Variants in MAP4K4 observed in about 807,000 individuals in gnomAD.
MAP4K4 encodes the protein mitogen-activated protein kinase kinase kinase kinase 4, also known as HPK/GCK-like kinase HGK.
In MAP4K4, 38 loss-of-function variants were observed where a neutral mutation model predicts 189.6. The ratio of observed to expected loss-of-function variants is 0.20; its 90% CI spans 0.15 to 0.26. The LOEUF (loss-of-function observed/expected upper bound fraction) is 0.26, where lower values mean the gene tolerates loss of function less well. MAP4K4 is among the 10% of genes least tolerant of loss of function. The pLI is 1.00. For missense variants in MAP4K4, 1,054 were observed against 1,726.9 expected (o/e 0.61, Z 6.91); for synonymous variants, 610 against 624.3 (o/e 0.98, Z 0.34).
At chr2:101,839,693 A>G (rs748916526) in intron 9 of MAP4K4, 126 bp from the exon 10 acceptor site, 12 of 687,936 alleles carry the variant, frequency 1.7e-5, no homozygotes, top group Non-Finnish European at 2.7e-5. Flanking sequence ...CATTATTCCT[A>G]TGCATTTGCA....
At chr2:101,801,436 G>A (rs1394241405) in intron 3 of MAP4K4, among the ~76,000 whole-genome samples, 2 of 152,146 alleles carry the variant, frequency 1.3e-5, no homozygotes, top group African/African-American at 4.8e-5. Context: ...CAGCAGAGCC[G>A]TAATGGCACG....
At chr2:101,750,547 T>C (rs894521339) in intron 2 of MAP4K4, among the ~76,000 whole-genome samples, 2 of 147,708 alleles carry the variant, frequency 1.4e-5, no homozygotes, top group African/African-American at 5.0e-5. Context: ...CATTGGGAGA[T>C]ATACCTAATG....
At chr2:101,739,944 T>C (rs985487426) in intron 2 of MAP4K4, among the ~76,000 whole-genome samples, 2 of 152,134 alleles carry the variant, frequency 1.3e-5, no homozygotes, top group Non-Finnish European at 2.9e-5. Flanking sequence ...TTCTGGCCCT[T>C]CCTATGCTTT....
chr2:101,814,506 A>G (rs1164535376), intron 3 of MAP4K4, among the ~76,000 whole-genome samples: 1 of 152,238 alleles, frequency 6.6e-6, no homozygotes, highest in Non-Finnish European at 1.5e-5. Flanking sequence ...CATAATAAAG[A>G]CAGGATCCCT....
At chr2:101,867,957 G>T in intron 20 of MAP4K4, 72 bp from the exon 21 acceptor site, 1 of 1,498,944 alleles carries the variant, frequency 6.7e-7, no homozygotes, top group Non-Finnish European at 9.2e-7. Flanking sequence ...TCTTTCTCCC[G>T]CGCTTCCTTG....
intron 2 of MAP4K4, among the ~76,000 whole-genome samples, chr2:101,716,510 C>CAA (rs112162844): frequency 2.8e-4 from 38 of 137,094 alleles, no homozygotes; most frequent in South Asian, 7.1e-4. Flanking sequence ...TAAAGGATGG[C>CAA]AAAAAAAAAA....
chr2:101,753,497 T>C (rs1444342071), intron 2 of MAP4K4, among the ~76,000 whole-genome samples: 2 of 152,204 alleles, frequency 1.3e-5, no homozygotes, highest in Non-Finnish European at 2.9e-5. Context: ...ATATCCATCT[T>C]TTTTTGTTGA....
chr2:101,799,442 C>CT (rs1393818290), intron 3 of MAP4K4, among the ~76,000 whole-genome samples: 1 of 152,186 alleles, frequency 6.6e-6, no homozygotes, highest in Non-Finnish European at 1.5e-5. Context: ...CTCCCTCCAC[C>CT]TGTGGCAATC....
chr2:101,781,828 C>CT (rs761461849), intron 2 of MAP4K4, among the ~76,000 whole-genome samples: 19 of 152,194 alleles, frequency 1.2e-4, no homozygotes, highest in Admixed American at 6.5e-4. Flanking sequence ...CTCCACTTCT[C>CT]TAACATAGAG....
intron 3 of MAP4K4, among the ~76,000 whole-genome samples, chr2:101,803,271 GTGTGTGTGTGTT>G (rs2094560890): frequency 7.0e-6 from 1 of 143,866 alleles, no homozygotes; most frequent in Non-Finnish European, 1.5e-5. Context: ...GTGTATGTAT[GTGTGTGTGTGTT>G]TGTGTGTGTG....
intron 4 of MAP4K4, among the ~76,000 whole-genome samples, chr2:101,824,399 T>C (rs1188644168): frequency 6.6e-6 from 1 of 152,114 alleles, no homozygotes; most frequent in Non-Finnish European, 1.5e-5. Flanking sequence ...ATTTGAAAGC[T>C]CAGTAAATTG....
chr2:101,855,884 G>C (rs1046726214), intron 12 of MAP4K4, 93 bp from the exon 13 acceptor site: 2 of 1,261,422 alleles, frequency 1.6e-6, no homozygotes, highest in African/African-American at 3.0e-5. Flanking sequence ...CACCTCATTA[G>C]TGTCCACCTG....
chr2:101,786,117 A>T (rs1558917772), intron 2 of MAP4K4, among the ~76,000 whole-genome samples: 1 of 151,816 alleles, frequency 6.6e-6, no homozygotes, highest in Non-Finnish European at 1.5e-5. Context: ...GAGCCATTGC[A>T]CCCGGCCGGC....
intron 12 of MAP4K4, 37 bp downstream of exon 12, chr2:101,844,348 T>C (rs1266386183): frequency 6.5e-7 from 1 of 1,531,880 alleles, no homozygotes; most frequent in Non-Finnish European, 8.8e-7. Flanking sequence ...GTTGGTCTTT[T>C]CTCTTTCTGC....
intron 5 of MAP4K4, among the ~76,000 whole-genome samples, chr2:101,827,104 T>G (rs1003176814): frequency 6.6e-6 from 1 of 152,308 alleles, no homozygotes; most frequent in Admixed American, 6.5e-5. Context: ...TCATATGTAA[T>G]ATGTACCTTT....
intron 2 of MAP4K4, among the ~76,000 whole-genome samples, chr2:101,780,892 C>G (rs1371281726): frequency 1.3e-5 from 2 of 152,006 alleles, no homozygotes; most frequent in Admixed American, 6.5e-5. Context: ...TTTTTAGTGG[C>G]TAAAATAAAT....
chr2:101,763,055 GATGC>G (rs2077148085), intron 2 of MAP4K4, among the ~76,000 whole-genome samples: 1 of 152,198 alleles, frequency 6.6e-6, no homozygotes, highest in African/African-American at 2.4e-5. Context: ...TGCAGCCCCA[GATGC>G]AGGGTCAGAC....
rs530093764 is a variant in MAP4K4 at position 101,805,987 on chromosome 2, G to T, written c.180+15211G>T. 3.3e-5 allele frequency among the ~76,000 whole-genome samples: 5 copies of T among 152,206 alleles called. No individual in the cohort carries two copies. In the South Asian group the frequency reaches 6.2e-4, roughly 19 times the overall value. On this transcript the variant is annotated intron_variant, in intron 3 of 32. Coordinates refer to ENST00000324219, the Ensembl canonical transcript of MAP4K4. Reference sequence around the variant, plus strand: ...CCTTAAGATGGTGTAGGTTTGGGGTGGAATAAAGATAGGGAGACACAGCCA... The same window carrying T: ...CCTTAAGATGGTGTAGGTTTGGGGTTGAATAAAGATAGGGAGACACAGCCA...
At chr2:101,730,287 A>T (rs943016688) in intron 2 of MAP4K4, among the ~76,000 whole-genome samples, 1 of 152,022 alleles carries the variant, frequency 6.6e-6, no homozygotes, top group Admixed American at 6.6e-5. Context: ...CTGCTTTGTG[A>T]TATGATCATG....
Sources: allele counts gnomAD v4.1 joint callset (sites outside exome capture counted in the v4.1 genomes callset), GRCh38; gene constraint gnomAD v4.1.1; transcripts MANE v1.5; gene names NCBI Gene and HGNC (gene_info 2026-07-23, HGNC 2026-07-21).